RFPL1: variants seen among roughly 807,000 people sequenced by gnomAD.
RFPL1 encodes ret finger protein-like 1.
RFPL1 carries 6 observed loss-of-function variants against 9.6 expected under a neutral mutation model. The observed-to-expected ratio is 0.62, with a 90% CI of 0.34 to 1.23. The LOEUF (loss-of-function observed/expected upper bound fraction) is 1.23, where lower values mean the gene tolerates loss of function less well. RFPL1 is among the 50% of genes most tolerant of loss of function. The probability of loss-of-function intolerance (pLI) is 0.03; values close to 1 mark genes in which losing one functional copy is unlikely to be tolerated. For synonymous variants in RFPL1, 145 were observed against 149.4 expected, an observed-to-expected ratio of 0.97 and a Z score of 0.22; for missense variants, 352 against 398.4, an observed-to-expected ratio of 0.88 and a Z score of 0.99.
chr22:29,441,628 C>G, exon 2 of RFPL1: 1 of 1,613,928 alleles, frequency 6.2e-7, no homozygotes, highest in East Asian at 2.2e-5. Flanking sequence ...GTGCATCACA[C>G]AGAATCGGCA....
the RFPL1 span, among the ~76,000 whole-genome samples, chr22:29,426,758 A>G: frequency 0.016 from 2,371 of 152,152 alleles, 52 homozygotes; most frequent in African/African-American, 0.055. Flanking sequence ...AAAAAAAAAA[A>G]GTTATTTGAT....
chr22:29,403,715 G>T, the RFPL1 span, among the ~76,000 whole-genome samples: 1 of 152,216 alleles, frequency 6.6e-6, no homozygotes, highest in Non-Finnish European at 1.5e-5. Flanking sequence ...ATAAGAGAAA[G>T]GCAAATGACA....
chr22:29,430,551 A>T, the RFPL1 span, among the ~76,000 whole-genome samples: 1 of 152,168 alleles, frequency 6.6e-6, no homozygotes, highest in Non-Finnish European at 1.5e-5. Context: ...AGGATCTTGT[A>T]AGGCTCTGCT....
the RFPL1 span, among the ~76,000 whole-genome samples, chr22:29,409,179 T>C: frequency 6.6e-5 from 10 of 152,170 alleles, no homozygotes; most frequent in African/African-American, 1.9e-4. Context: ...GCAACCATTG[T>C]TACAATCTCA....
At chr22:29,434,927 G>C (rs917074182), upstream of RFPL1, 2 of 152,154 alleles carry the variant, frequency 1.3e-5, no homozygotes, top group African/African-American at 4.8e-5. Flanking sequence ...TTCAATTATC[G>C]ATGACCAAGG....
chr22:29,420,662 A>G, the RFPL1 span, among the ~76,000 whole-genome samples: 1 of 95,232 alleles, frequency 1.1e-5, no homozygotes, highest in Non-Finnish European at 1.9e-5. Flanking sequence ...TTTTTTTGAG[A>G]CGAAGTCTCA....
chr22:29,424,325 C>T, the RFPL1 span, among the ~76,000 whole-genome samples: 4 of 152,166 alleles, frequency 2.6e-5, no homozygotes, highest in Non-Finnish European at 5.9e-5. Flanking sequence ...CAAAGATACC[C>T]TGGATACATG....
At chr22:29,408,213 G>A in the RFPL1 span, among the ~76,000 whole-genome samples, 5 of 152,154 alleles carry the variant, frequency 3.3e-5, no homozygotes, top group African/African-American at 4.8e-5. Flanking sequence ...AAATGGGGAG[G>A]AGGTGTGATG....
chr22:29,408,314 C>T, the RFPL1 span, among the ~76,000 whole-genome samples: 1 of 152,192 alleles, frequency 6.6e-6, no homozygotes, highest in African/African-American at 2.4e-5. Context: ...AAAGCCAAGG[C>T]TCTTTCATTT....
At chr22:29,394,347 T>TTTTGC in the RFPL1 span, among the ~76,000 whole-genome samples, 1 of 151,624 alleles carries the variant, frequency 6.6e-6, no homozygotes, top group African/African-American at 2.4e-5. Context: ...TTTTGTTTTG[T>TTTTGC]TTTGTTTTGT....
the RFPL1 span, among the ~76,000 whole-genome samples, chr22:29,406,815 G>A: frequency 1.2e-3 from 188 of 152,284 alleles, no homozygotes; most frequent in African/African-American, 4.2e-3. Context: ...TTGGACGCCC[G>A]CTCCAAGCGC....
the RFPL1 span, among the ~76,000 whole-genome samples, chr22:29,389,971 G>A: frequency 6.6e-6 from 1 of 151,874 alleles, no homozygotes; most frequent in Admixed American, 6.6e-5. Context: ...GCTAATTTTT[G>A]TATTTTTAGT....
exon 2 of RFPL1, chr22:29,442,210 A>T: frequency 1.0e-6 from 1 of 981,436 alleles, no homozygotes; most frequent in East Asian, 2.5e-5. Flanking sequence ...AAAGCGTTAT[A>T]CAAAGTCATA....
intron 1 of RFPL1, chr22:29,441,335 C>A: frequency 1.7e-6 from 1 of 583,410 alleles, no homozygotes; most frequent in Non-Finnish European, 3.0e-6. Flanking sequence ...ATAATTGCTA[C>A]TGTGAATAAG....
the RFPL1 span, among the ~76,000 whole-genome samples, chr22:29,420,021 A>G: frequency 2.6e-5 from 4 of 152,332 alleles, no homozygotes; most frequent in Non-Finnish European, 5.9e-5. Flanking sequence ...TCAGTGCAAT[A>G]GAACCTGAGT....
the RFPL1 span, among the ~76,000 whole-genome samples, chr22:29,397,477 G>A: frequency 6.6e-6 from 1 of 152,094 alleles, no homozygotes; most frequent in Admixed American, 6.5e-5. Flanking sequence ...GTGGCTGGAC[G>A]AGGACAGACT....
chr22:29,423,523 A>ATT, the RFPL1 span, among the ~76,000 whole-genome samples: 1 of 152,148 alleles, frequency 6.6e-6, no homozygotes, highest in East Asian at 1.9e-4. Context: ...ATCCCATCAA[A>ATT]TTTTTGAATG....
At position 29,439,033 on chromosome 22, in the gene RFPL1, G is replaced by A. The variant is rs369425454; in HGVS notation, c.242G>A (p.Cys81Tyr). The A allele has an allele frequency of 2.5e-6, 4 of 1,614,156 alleles. No individual in the cohort carries two copies. In the African/African-American group the frequency reaches 4.0e-5, roughly 16 times the overall value. ...GGGGAGGATCTACTTTGCTGTTGCT[G>A]TTCCATGGTCTCTCAGAAGAACAAA... is the stretch of plus-strand genomic sequence containing the variant. Residue 81 changes from cysteine (C) to tyrosine (Y), a missense_variant, in exon 1 of 2, where the codon TGT (cysteine) becomes TAT (tyrosine). Physicochemically the swap from Cys to Tyr is radical, Grantham distance 194. Coordinates refer to ENST00000354373, the Ensembl canonical transcript of RFPL1.
the RFPL1 span, among the ~76,000 whole-genome samples, chr22:29,409,063 T>C: frequency 6.6e-6 from 1 of 152,090 alleles, no homozygotes; most frequent in East Asian, 1.9e-4. Context: ...AGTCTGTACA[T>C]ATACTTTTTT....
Sources: allele counts gnomAD v4.1 joint callset (sites outside exome capture counted in the v4.1 genomes callset), GRCh38; gene constraint gnomAD v4.1.1; transcripts MANE v1.5; gene names NCBI Gene and HGNC (gene_info 2026-07-23, HGNC 2026-07-21).